TTC6: variants seen among roughly 807,000 people sequenced by gnomAD.
TTC6 encodes the protein tetratricopeptide repeat protein 6.
TTC6 carries 172 observed loss-of-function variants against 210.4 expected under a neutral mutation model. The ratio of observed to expected loss-of-function variants is 0.82; its 90% confidence interval spans 0.72 to 0.93. The LOEUF is 0.93. Ranked by LOEUF, TTC6 falls within the 40% of genes least tolerant of loss-of-function variation. The pLI is 0.00. For synonymous variants in TTC6, 804 were observed against 819.6 expected, an observed-to-expected ratio of 0.98 and a Z score of 0.32; for missense variants, 2,414 against 2,318.1, an observed-to-expected ratio of 1.04 and a Z score of -0.85.
intron 5 of TTC6, among the ~76,000 whole-genome samples, chr14:37,710,571 T>C (rs1234311846): frequency 6.6e-6 from 1 of 152,166 alleles, no homozygotes; most frequent in Non-Finnish European, 1.5e-5. Context: ...AATCACTTTC[T>C]TAGCATATTC....
intron 14 of TTC6, among the ~76,000 whole-genome samples, chr14:37,767,695 T>C (rs2096003679): frequency 6.6e-6 from 1 of 152,124 alleles, no homozygotes; most frequent in East Asian, 1.9e-4. Context: ...AGATTCTGGA[T>C]ATTAGCCCTT....
In TTC6 at chr14:37,744,539, T is replaced by G. The variant is rs59082131; in HGVS notation, c.2364-4400T>G. ...TGCTTTTTGCTTTTGAGGGACAGCA[T>G]AGAAGTCAGTGTGGCTGGAACAGAG... On this transcript the variant is annotated intron_variant, in intron 10 of 30. Coordinates refer to ENST00000553443, the Ensembl canonical transcript of TTC6. Among the ~76,000 whole-genome samples, 819 of 152,256 alleles carry G rather than the reference T, an allele frequency of 5.4e-3. 6 individuals are homozygous for G. The highest frequency in any genetic ancestry group is 0.018 in the African/African-American group (766 of 41,524).
At chr14:37,787,149 G>T (rs1043569374) in intron 14 of TTC6, among the ~76,000 whole-genome samples, 1 of 152,002 alleles carries the variant, frequency 6.6e-6, no homozygotes, top group Non-Finnish European at 1.5e-5. Flanking sequence ...ATACATTTTT[G>T]GGAATCAATA....
intron 29 of TTC6, among the ~76,000 whole-genome samples, chr14:37,832,977 G>C (rs909572807): frequency 1.3e-5 from 2 of 149,852 alleles, no homozygotes; most frequent in East Asian, 3.9e-4. Context: ...AGAATCACTT[G>C]AACCTGGGAG....
chr14:37,660,086 G>A (rs1399585725), intron 1 of TTC6, among the ~76,000 whole-genome samples: 2 of 152,110 alleles, frequency 1.3e-5, no homozygotes, highest in Non-Finnish European at 2.9e-5. Context: ...CCTTTGCTGT[G>A]TAGAAGCTCT....
chr14:37,650,814 AT>A (rs1358318296), intron 1 of TTC6, among the ~76,000 whole-genome samples: 1 of 152,226 alleles, frequency 6.6e-6, no homozygotes, highest in Non-Finnish European at 1.5e-5. Context: ...TCCTTTGCAA[AT>A]CAGAATAAAA....
At chr14:37,682,933 A>G in exon 3 of TTC6, 1 of 1,535,584 alleles carries the variant, frequency 6.5e-7, no homozygotes, top group Non-Finnish European at 8.7e-7. Flanking sequence ...CCCACAAGTG[A>G]TTCAAAAGAA....
chr14:37,676,331 T>C (rs1252357601), intron 1 of TTC6, among the ~76,000 whole-genome samples: 1 of 152,090 alleles, frequency 6.6e-6, no homozygotes, highest in Non-Finnish European at 1.5e-5. Context: ...GTTGTTTTTT[T>C]CTACCTTAAA....
chr14:37,613,390 G>A (rs1486207427), intron 2 of TTC6, among the ~76,000 whole-genome samples: 1 of 152,028 alleles, frequency 6.6e-6, no homozygotes, highest in Non-Finnish European at 1.5e-5. Flanking sequence ...GATTTGATTT[G>A]CTAATATTTT....
chr14:37,751,961 C>T (rs1424375580), intron 13 of TTC6, among the ~76,000 whole-genome samples: 1 of 151,022 alleles, frequency 6.6e-6, no homozygotes, highest in Non-Finnish European at 1.5e-5. Flanking sequence ...GCAGCTGGGG[C>T]TACAGGTGCC....
chr14:37,753,010 TAAAAACA>T (rs1415116723), intron 13 of TTC6, 82 bp from the exon 16 acceptor site: 1 of 1,055,534 alleles, frequency 9.5e-7, no homozygotes, highest in Non-Finnish European at 1.2e-6. Flanking sequence ...AACCCGAAGT[TAAAAACA>T]TAGTTTTAGA....
chr14:37,687,049 T>C (rs927689016), intron 3 of TTC6, among the ~76,000 whole-genome samples: 1 of 152,150 alleles, frequency 6.6e-6, no homozygotes, highest in African/African-American at 2.4e-5. Flanking sequence ...AACCTGACTG[T>C]AACTTCATAT....
At chr14:37,809,365 G>T (rs749935222) in intron 24 of TTC6, among the ~76,000 whole-genome samples, 1 of 147,438 alleles carries the variant, frequency 6.8e-6, no homozygotes, top group Non-Finnish European at 1.5e-5. Context: ...CCATTCTCCC[G>T]CCTCAGCCTC....
chr14:37,841,804 T>C, intron 30 of TTC6, 134 bp downstream of exon 32: 5 of 767,268 alleles, frequency 6.5e-6, no homozygotes, highest in Non-Finnish European at 8.3e-6. Flanking sequence ...AGATATCATG[T>C]CCTTAATATA....
intron 1 of TTC6, among the ~76,000 whole-genome samples, chr14:37,656,500 G>C (rs1035022214): frequency 7.3e-6 from 1 of 137,188 alleles, no homozygotes; most frequent in African/African-American, 2.8e-5. Context: ...AACCTAGTCA[G>C]GTGTGTGTGT....
At chr14:37,706,479 A>G (rs537962377) in intron 5 of TTC6, among the ~76,000 whole-genome samples, 2 of 152,214 alleles carry the variant, frequency 1.3e-5, no homozygotes, top group East Asian at 1.9e-4. Context: ...ATGACTATCA[A>G]TTGGTAAGAG....
At chr14:37,724,815 A>C in intron 6 of TTC6, 83 bp from the exon 9 acceptor site, 6 of 770,904 alleles carry the variant, frequency 7.8e-6, no homozygotes, top group Non-Finnish European at 9.3e-6. Context: ...CAGCAACTAA[A>C]AATAATTTTG....
At chr14:37,630,709 G>A (rs907944024) in intron 1 of TTC6, among the ~76,000 whole-genome samples, 14 of 151,938 alleles carry the variant, frequency 9.2e-5, no homozygotes, top group South Asian at 4.2e-4. Flanking sequence ...TATTGTGTGG[G>A]TGTTTAAGTC....
At chr14:37,738,561 C>G (rs1442354089) in intron 9 of TTC6, among the ~76,000 whole-genome samples, 1 of 152,094 alleles carries the variant, frequency 6.6e-6, no homozygotes, top group South Asian at 2.1e-4. Context: ...AATGAAATGT[C>G]ATATGACCAA....
Sources: gnomAD v4.1 joint callset for allele counts (sites outside exome capture counted in the v4.1 genomes callset) on GRCh38, gnomAD v4.1.1 for gene constraint, MANE v1.5 for transcripts, NCBI Gene and HGNC (gene_info 2026-07-23, HGNC 2026-07-21) for gene names.